Variants in SNX29 observed in about 807,000 individuals in gnomAD.
SNX29 encodes sorting nexin-29.
SNX29 carries 78 observed loss-of-function variants against 102.1 expected under a neutral mutation model. The observed-to-expected ratio is 0.76, with a 90% CI of 0.64 to 0.92. The LOEUF (loss-of-function observed/expected upper bound fraction) is 0.92. SNX29 is among the 40% of genes least tolerant of loss of function. SNX29 has a pLI of 0.00. For missense variants in SNX29, 1,280 were observed against 1,061.7 expected (o/e 1.21, Z -2.86); for synonymous variants, 580 against 414.5 (o/e 1.40, Z -4.85).
chr16:12,514,142 G>T (rs2089757849), intron 19 of SNX29, among the ~76,000 whole-genome samples: 1 of 152,144 alleles, frequency 6.6e-6, no homozygotes, highest in Admixed American at 6.5e-5. Flanking sequence ...AAAGAAGAAA[G>T]GCAGATTTTC....
chr16:12,495,315 C>G (rs1239922785), intron 19 of SNX29, among the ~76,000 whole-genome samples: 2 of 152,064 alleles, frequency 1.3e-5, no homozygotes, highest in African/African-American at 4.8e-5. Context: ...CCACGTCCAG[C>G]TAGTTTATGT....
chr16:12,126,100 A>C (rs76110210), intron 11 of SNX29, among the ~76,000 whole-genome samples: 1,879 of 152,312 alleles, frequency 0.012, 52 homozygotes, highest in African/African-American at 0.043. Flanking sequence ...TGAGGTATAC[A>C]GGAGCTCAGT....
intron 18 of SNX29, among the ~76,000 whole-genome samples, chr16:12,473,377 C>CA (rs1421924593): frequency 6.6e-6 from 1 of 152,168 alleles, no homozygotes; most frequent in African/African-American, 2.4e-5. Context: ...GAATGTCTGA[C>CA]AGCAAGGAGA....
intron 14 of SNX29, among the ~76,000 whole-genome samples, chr16:12,267,054 G>A (rs775929931): frequency 1.2e-4 from 18 of 152,270 alleles, no homozygotes; most frequent in East Asian, 9.6e-4. Flanking sequence ...GCCACTCTGC[G>A]CAGCCCAGTC....
intron 14 of SNX29, among the ~76,000 whole-genome samples, chr16:12,244,150 G>T (rs2078193056): frequency 6.6e-6 from 1 of 152,102 alleles, no homozygotes; most frequent in Non-Finnish European, 1.5e-5. Context: ...AGCTCAGGCG[G>T]TGATGCTCAC....
At chr16:12,119,664 C>A (rs1389437940) in intron 11 of SNX29, among the ~76,000 whole-genome samples, 1 of 152,236 alleles carries the variant, frequency 6.6e-6, no homozygotes, top group Non-Finnish European at 1.5e-5. Flanking sequence ...TGGTGTGAGT[C>A]CTGAGGCTGT....
At chr16:12,048,030 G>A (rs998741634) in intron 6 of SNX29, among the ~76,000 whole-genome samples, 14 of 152,028 alleles carry the variant, frequency 9.2e-5, no homozygotes, top group African/African-American at 3.1e-4. Context: ...CGGAACTTGT[G>A]CCTTTACCTC....
intron 14 of SNX29, among the ~76,000 whole-genome samples, chr16:12,237,558 G>C (rs183771326): frequency 3.9e-5 from 6 of 152,140 alleles, no homozygotes; most frequent in African/African-American, 1.4e-4. Flanking sequence ...ATCACCTGAG[G>C]TCAGGAGTTT....
At chr16:12,374,509 G>A (rs1394188940) in intron 16 of SNX29, 3 of 152,428 alleles carry the variant, frequency 2.0e-5, no homozygotes, top group South Asian at 2.1e-4. Context: ...GATGTTAGAT[G>A]TCTCAGGGTC....
At chr16:12,226,916 A>C (rs75466637) in intron 14 of SNX29, among the ~76,000 whole-genome samples, 2,628 of 152,212 alleles carry the variant, frequency 0.017, 93 homozygotes, top group African/African-American at 0.06. Context: ...TAACACGTCT[A>C]CTGGCTAGCT....
chr16:12,507,500 TG>T (rs1439087868), intron 19 of SNX29, among the ~76,000 whole-genome samples: 1 of 152,224 alleles, frequency 6.6e-6, no homozygotes, highest in Admixed American at 6.5e-5. Context: ...TTGATGTTAC[TG>T]TTTGGATGCT....
chr16:12,501,368 C>T (rs2089114065), intron 19 of SNX29, among the ~76,000 whole-genome samples: 1 of 152,068 alleles, frequency 6.6e-6, no homozygotes, highest in African/African-American at 2.4e-5. Flanking sequence ...TGCACCACTA[C>T]ACTCCAGCCT....
At chr16:12,247,150 G>A (rs192644425) in intron 14 of SNX29, among the ~76,000 whole-genome samples, 3 of 152,156 alleles carry the variant, frequency 2.0e-5, no homozygotes, top group Non-Finnish European at 4.4e-5. Flanking sequence ...CCTATACGAC[G>A]GGGAGAGAAT....
chr16:12,202,160 A>C, intron 14 of SNX29, among the ~76,000 whole-genome samples: 1 of 152,162 alleles, frequency 6.6e-6, no homozygotes, highest in Non-Finnish European at 1.5e-5. Context: ...AGCCTCCAGG[A>C]TTTAAACAAA....
chr16:12,437,739 TTGTTGCTTCAGG>T (rs1279977412), intron 18 of SNX29, among the ~76,000 whole-genome samples: 1 of 152,128 alleles, frequency 6.6e-6, no homozygotes, highest in African/African-American at 2.4e-5. Context: ...CATCTTCCCC[TTGTTGCTTCAGG>T]TGAAATCTCA....
intron 8 of SNX29, among the ~76,000 whole-genome samples, chr16:12,054,129 G>T (rs1196987609): frequency 1.3e-5 from 2 of 152,132 alleles, no homozygotes; most frequent in African/African-American, 4.8e-5. Flanking sequence ...CACCACGCCC[G>T]GCTAATTTTT....
chr16:12,334,493 CAG>C (rs1407568679), intron 15 of SNX29, among the ~76,000 whole-genome samples: 1 of 152,184 alleles, frequency 6.6e-6, no homozygotes, highest in Non-Finnish European at 1.5e-5. Context: ...ATGCATAAAA[CAG>C]GGACACAGGG....
intron 20 of SNX29, among the ~76,000 whole-genome samples, chr16:12,529,779 A>G (rs2141166397): frequency 6.6e-6 from 1 of 152,216 alleles, no homozygotes; most frequent in Non-Finnish European, 1.5e-5. Context: ...GGTTACGTTT[A>G]GCTCAGCGAT....
chr16:12,545,380 A>C (rs914936990), intron 20 of SNX29: 1 of 152,346 alleles, frequency 6.6e-6, no homozygotes, highest in East Asian at 1.9e-4. Context: ...TTGTCACACA[A>C]TAGGTGTATT....
Sources: gnomAD v4.1 joint callset for allele counts (sites outside exome capture counted in the v4.1 genomes callset) on GRCh38, gnomAD v4.1.1 for gene constraint, MANE v1.5 for transcripts, NCBI Gene and HGNC (gene_info 2026-07-23, HGNC 2026-07-21) for gene names.